The following MYOCD variants were observed in gnomAD, a reference collection of about 807,000 sequenced individuals.
MYOCD encodes myocardin.
MYOCD carries 32 observed loss-of-function variants against 96.1 expected under a neutral mutation model. The observed-to-expected ratio is 0.33, with a 90% CI of 0.25 to 0.45. The LOEUF (loss-of-function observed/expected upper bound fraction) is 0.45. MYOCD is among the 20% of genes least tolerant of loss of function. The pLI, the probability that MYOCD is intolerant of heterozygous loss-of-function variation, is 1.00. For missense variants in MYOCD, 1,133 were observed against 1,200.6 expected (o/e 0.94, Z 0.83); for synonymous variants, 469 against 469.0 (o/e 1.00, Z 0.00).
intron 1 of MYOCD, among the ~76,000 whole-genome samples, chr17:12,698,869 A>T (rs1380171693): frequency 6.7e-6 from 1 of 148,916 alleles, no homozygotes; most frequent in Admixed American, 6.8e-5. Context: ...CAGCCTCCCG[A>T]GTAGTTGGGA....
chr17:12,740,231 G>A (rs557477225), intron 7 of MYOCD, among the ~76,000 whole-genome samples: 5 of 152,116 alleles, frequency 3.3e-5, no homozygotes, highest in African/African-American at 7.2e-5. Context: ...CACTGCGCCC[G>A]GCCCTTTAGT....
intron 1 of MYOCD, among the ~76,000 whole-genome samples, chr17:12,669,288 GGA>G (rs914360336): frequency 3.5e-4 from 54 of 152,204 alleles, no homozygotes; most frequent in African/African-American, 1.2e-3. Context: ...GATCAAAAGT[GGA>G]GAGAGAGATC....
intron 6 of MYOCD, among the ~76,000 whole-genome samples, chr17:12,737,141 G>A (rs2032370037): frequency 6.6e-6 from 1 of 152,100 alleles, no homozygotes; most frequent in Non-Finnish European, 1.5e-5. Context: ...TGTAATCCCA[G>A]CTACTTGGGA....
intron 2 of MYOCD, among the ~76,000 whole-genome samples, chr17:12,709,419 C>A (rs76940267): frequency 0.032 from 4,907 of 152,240 alleles, 240 homozygotes; most frequent in African/African-American, 0.11. Flanking sequence ...TTTAAAGGCA[C>A]CATCTCTTGA....
At chr17:12,687,094 G>T (rs1380428530) in intron 1 of MYOCD, among the ~76,000 whole-genome samples, 1 of 152,108 alleles carries the variant, frequency 6.6e-6, no homozygotes, top group Admixed American at 6.5e-5. Context: ...CATGCAAACC[G>T]ATGATTTTAA....
intron 2 of MYOCD, among the ~76,000 whole-genome samples, chr17:12,707,574 TGTG>T (rs932402517): frequency 6.6e-6 from 1 of 151,808 alleles, no homozygotes; most frequent in African/African-American, 2.4e-5. Context: ...ATTAGCCAGG[TGTG>T]GTGGCAGGCA....
chr17:12,670,616 A>C (rs1336423485), intron 1 of MYOCD, among the ~76,000 whole-genome samples: 1 of 152,198 alleles, frequency 6.6e-6, no homozygotes, highest in African/African-American at 2.4e-5. Flanking sequence ...CTACAAGAGT[A>C]CCTTTCCCAT....
chr17:12,711,281 G>A (rs912033148), intron 2 of MYOCD, among the ~76,000 whole-genome samples: 2 of 152,168 alleles, frequency 1.3e-5, no homozygotes, highest in African/African-American at 4.8e-5. Flanking sequence ...GTGGGAAACT[G>A]AGAGCACAGG....
chr17:12,744,765 G>C (rs1212802654), intron 8 of MYOCD, among the ~76,000 whole-genome samples: 2 of 152,074 alleles, frequency 1.3e-5, no homozygotes, highest in East Asian at 1.9e-4. Flanking sequence ...TTATAAATTA[G>C]GCACAGTGAG....
chr17:12,674,734 G>A (rs1909913423), intron 1 of MYOCD, among the ~76,000 whole-genome samples: 1 of 152,150 alleles, frequency 6.6e-6, no homozygotes, highest in African/African-American at 2.4e-5. Flanking sequence ...TGGGTTTGTT[G>A]AGAAAATTGA....
At position 12,708,627 on chromosome 17, in the gene MYOCD, G is replaced by A. The variant is rs150519372; in HGVS notation, c.121+3434G>A. The stretch of plus-strand genomic sequence containing the variant: ...AGGATGGTCTCGAACTCCTGACTTC[G>A]TGATCCACCCACCTCGGGTTCCCAA... On this transcript the variant is annotated intron_variant, in intron 2 of 13. Transcript: ENST00000425538. Among the ~76,000 whole-genome samples the A allele has an allele frequency of 6.8e-3, 1,031 of 152,138 alleles. 10 individuals carry two copies. Among genetic ancestry groups the A allele is most frequent in the African/African-American group, 0.024 (981 of 41,502 alleles).
chr17:12,724,184 GCATCTCTTATTGTTTCTTAAAA>G (rs1256868251), intron 5 of MYOCD, among the ~76,000 whole-genome samples: 15 of 151,980 alleles, frequency 9.9e-5, no homozygotes, highest in Non-Finnish European at 4.4e-5. Context: ...TCTCCATCAG[GCATCTCTTATTGTTTCTTAAAA>G]CATTCTGTTC....
At chr17:12,726,280 A>C (rs1215243903) in intron 5 of MYOCD, among the ~76,000 whole-genome samples, 1 of 152,170 alleles carries the variant, frequency 6.6e-6, no homozygotes, top group Non-Finnish European at 1.5e-5. Flanking sequence ...GTCACTACTC[A>C]ACTCTGATGT....
At chr17:12,739,543 C>T (rs576086430) in intron 7 of MYOCD, among the ~76,000 whole-genome samples, 1 of 152,298 alleles carries the variant, frequency 6.6e-6, no homozygotes, top group Admixed American at 6.5e-5. Flanking sequence ...ACGGAGAAGG[C>T]TGTGGGTTTG....
chr17:12,705,567 G>C (rs995063992), intron 2 of MYOCD: 1 of 165,182 alleles, frequency 6.1e-6, no homozygotes, highest in Non-Finnish European at 1.3e-5. Flanking sequence ...TTCTGTTTGG[G>C]ATATTGGAGT....
At chr17:12,749,917 T>C (rs1374906657) in intron 9 of MYOCD, among the ~76,000 whole-genome samples, 1 of 151,992 alleles carries the variant, frequency 6.6e-6, no homozygotes, top group Admixed American at 6.6e-5. Flanking sequence ...TGGCCGGATC[T>C]CGGCTCACTG....
At chr17:12,705,499 T>C (rs977050616) in intron 2 of MYOCD, 1 of 233,472 alleles carries the variant, frequency 4.3e-6, no homozygotes, top group Non-Finnish European at 8.2e-6. Context: ...TGGATATAAT[T>C]AATATTCTTT....
chr17:12,750,206 G>A (rs1171464386), intron 9 of MYOCD, among the ~76,000 whole-genome samples: 1 of 152,046 alleles, frequency 6.6e-6, no homozygotes, highest in East Asian at 1.9e-4. Flanking sequence ...GCAGCAAGTC[G>A]AAGCAGCACT....
rs267604742 is a variant in MYOCD, at chr17:12,746,072, G to A, written c.1125G>A (p.Lys375=). The A allele has an allele frequency of 6.2e-7, 1 of 1,613,256 alleles. No homozygotes were observed. Among genetic ancestry groups the A allele is most frequent in the Non-Finnish European group, 8.5e-7 (1 of 1,179,798 alleles). The change falls in exon 9 of 14, where the codon AAG becomes AAA. Residue 375 remains lysine, a splice_region_variant and synonymous_variant. Coordinates refer to ENST00000425538, the MANE Select transcript of MYOCD (RefSeq NM_001146312.3). ...GPLPPNLDDL[K]VSELRQQLRI... The stretch of plus-strand genomic sequence containing the variant: ...TCCCACCTAACCTGGATGATCTGAA[G>A]GTATAGGATTTGACATGAGTTTCTT...
Sources: gnomAD v4.1 joint callset for allele counts (sites outside exome capture counted in the v4.1 genomes callset) on GRCh38, gnomAD v4.1.1 for gene constraint, MANE v1.5 for transcripts, NCBI Gene and HGNC (gene_info 2026-07-23, HGNC 2026-07-21) for gene names.